Variants in DOK6 observed in about 807,000 individuals in gnomAD.
DOK6 encodes docking protein 6.
A neutral mutation model predicts 44.0 loss-of-function variants in DOK6; 22 were observed. The ratio of observed to expected loss-of-function variants is 0.50; its 90% CI spans 0.36 to 0.71. DOK6 has a LOEUF of 0.71. DOK6 is among the 30% of genes least tolerant of loss of function. DOK6 has a pLI of 0.00. For missense variants in DOK6, 340 were observed against 416.4 expected, an observed-to-expected ratio of 0.82 and a Z score of 1.60; for synonymous variants, 166 against 145.5, an observed-to-expected ratio of 1.14 and a Z score of -1.01.
At chr18:69,411,244 G>A (rs1978304758) in intron 1 of DOK6, among the ~76,000 whole-genome samples, 1 of 152,156 alleles carries the variant, frequency 6.6e-6, no homozygotes, top group Admixed American at 6.6e-5. Context: ...GGAGTAATGA[G>A]AAAAGATCCA....
chr18:69,471,420 T>G (rs1335675625), intron 1 of DOK6, among the ~76,000 whole-genome samples: 4 of 151,320 alleles, frequency 2.6e-5, no homozygotes, highest in Non-Finnish European at 5.9e-5. Context: ...GTGAATATGG[T>G]GGGTAGAATT....
chr18:69,752,121 A>G lies in DOK6; in HGVS notation c.739-5635A>G, dbSNP rs912083203. Among the ~76,000 whole-genome samples, 8 of 152,286 alleles carry G rather than the reference A, an allele frequency of 5.3e-5. No homozygotes were observed. The South Asian group carries it at 6.2e-4, about 12-fold the overall frequency. On this transcript the variant is annotated intron_variant, in intron 6 of 7. Transcript: ENST00000382713. ...CACAAGCACAAAATATAAGAACTGAAAAATATGAGTTATTTACATAAATGA... is the reference window on the plus strand; with the variant it reads ...CACAAGCACAAAATATAAGAACTGAGAAATATGAGTTATTTACATAAATGA...
intron 7 of DOK6, among the ~76,000 whole-genome samples, chr18:69,770,802 G>T (rs2144765679): frequency 6.6e-6 from 1 of 152,066 alleles, no homozygotes; most frequent in South Asian, 2.1e-4. Context: ...GGAGATTTCA[G>T]AATCACTTTT....
intron 3 of DOK6, among the ~76,000 whole-genome samples, chr18:69,658,661 G>T (rs1985431449): frequency 6.6e-6 from 1 of 152,140 alleles, no homozygotes. Flanking sequence ...GCCAGTAGCA[G>T]TTCGCTGTAT....
intron 7 of DOK6, among the ~76,000 whole-genome samples, chr18:69,836,866 CT>C (rs1982069221): frequency 6.6e-6 from 1 of 152,158 alleles, no homozygotes; most frequent in African/African-American, 2.4e-5. Flanking sequence ...TGAAAAAATG[CT>C]TAATTATTTC....
intron 5 of DOK6, among the ~76,000 whole-genome samples, chr18:69,711,701 A>G (rs1421401102): frequency 6.6e-6 from 1 of 152,182 alleles, no homozygotes; most frequent in African/African-American, 2.4e-5. Flanking sequence ...TGTTTCAATT[A>G]TTTAATTGTA....
chr18:69,638,995 T>TGGGAGGTCTATA (rs1984877540), intron 3 of DOK6, among the ~76,000 whole-genome samples: 1 of 152,190 alleles, frequency 6.6e-6, no homozygotes, highest in Non-Finnish European at 1.5e-5. Context: ...TTGTTTTTTC[T>TGGGAGGTCTATA]TTTTTTATAG....
At chr18:69,539,963 T>C (rs1056750874) in intron 1 of DOK6, among the ~76,000 whole-genome samples, 1 of 152,006 alleles carries the variant, frequency 6.6e-6, no homozygotes, top group Non-Finnish European at 1.5e-5. Flanking sequence ...ATCATGGCAG[T>C]AGGTGAAGGG....
rs1986713200 is a variant in DOK6, at chr18:69,709,598, C to G, written c.599+11005C>G. Among the ~76,000 whole-genome samples, 3 of 152,026 alleles carry G rather than the reference C, an allele frequency of 2.0e-5. No homozygotes were observed. The South Asian group carries it at 6.2e-4, about 32-fold the overall frequency. On this transcript the variant is annotated intron_variant, in intron 5 of 7. Coordinates refer to ENST00000382713, the MANE Select transcript of DOK6 (RefSeq NM_152721.6). ...ATTATAAATTCATTATTATCTTTAT[C>G]TTTTACATACACATATCATATTATA...
chr18:69,696,128 T>C (rs910247073), intron 4 of DOK6, among the ~76,000 whole-genome samples: 6 of 152,220 alleles, frequency 3.9e-5, no homozygotes, highest in Non-Finnish European at 7.3e-5. Context: ...GTGAATCTTA[T>C]TAAATTTACT....
At chr18:69,753,517 A>G (rs1373811583) in intron 6 of DOK6, among the ~76,000 whole-genome samples, 4 of 152,174 alleles carry the variant, frequency 2.6e-5, no homozygotes, top group African/African-American at 9.7e-5. Flanking sequence ...TTGAGCTGTG[A>G]TCTCTACTCT....
chr18:69,666,478 TA>T (rs1985661230), intron 3 of DOK6, among the ~76,000 whole-genome samples: 2 of 152,160 alleles, frequency 1.3e-5, no homozygotes, highest in Admixed American at 6.5e-5. Flanking sequence ...CACGCACCTG[TA>T]ACAAACAATC....
intron 1 of DOK6, among the ~76,000 whole-genome samples, chr18:69,423,818 G>T (rs1054084015): frequency 6.6e-6 from 1 of 152,088 alleles, no homozygotes; most frequent in African/African-American, 2.4e-5. Context: ...CTGTGTTTCA[G>T]ATTTTAAAAA....
chr18:69,559,572 C>T (rs1982776495), intron 1 of DOK6, among the ~76,000 whole-genome samples: 1 of 151,984 alleles, frequency 6.6e-6, no homozygotes, highest in Admixed American at 6.6e-5. Context: ...TTTTACTTCC[C>T]CAATATTATT....
intron 2 of DOK6, among the ~76,000 whole-genome samples, chr18:69,592,605 C>T (rs973164389): frequency 2.0e-5 from 3 of 152,020 alleles, no homozygotes; most frequent in South Asian, 2.1e-4. Context: ...CATCATGGAA[C>T]GTATTGATTT....
intron 1 of DOK6, among the ~76,000 whole-genome samples, chr18:69,446,618 T>C (rs1979301509): frequency 6.6e-6 from 1 of 152,188 alleles, no homozygotes; most frequent in Admixed American, 6.5e-5. Context: ...TCTAGATCCT[T>C]GAGGAATTGC....
At chr18:69,825,459 G>A (rs1362545160) in intron 7 of DOK6, among the ~76,000 whole-genome samples, 3 of 124,356 alleles carry the variant, frequency 2.4e-5, no homozygotes, top group Admixed American at 9.2e-5. Flanking sequence ...TTTTTGAGAC[G>A]GAGTCTTGCT....
chr18:69,795,014 T>A (rs1055683968), intron 7 of DOK6, among the ~76,000 whole-genome samples: 1 of 152,166 alleles, frequency 6.6e-6, no homozygotes, highest in African/African-American at 2.4e-5. Context: ...TATATTACAA[T>A]GTAATAATAG....
intron 3 of DOK6, among the ~76,000 whole-genome samples, chr18:69,622,422 T>C (rs1984463224): frequency 6.6e-6 from 1 of 152,238 alleles, no homozygotes; most frequent in African/African-American, 2.4e-5. Flanking sequence ...CTGCCTCTTA[T>C]GTCACAATGC....
Sources: allele counts gnomAD v4.1 joint callset (sites outside exome capture counted in the v4.1 genomes callset), GRCh38; gene constraint gnomAD v4.1.1; transcripts MANE v1.5; gene names NCBI Gene and HGNC (gene_info 2026-07-23, HGNC 2026-07-21).